Variants in ACOXL observed in about 807,000 individuals in gnomAD.
ACOXL encodes the protein acyl-CoA oxidase like.
In ACOXL, 70 loss-of-function variants were observed where a neutral mutation model predicts 71.9. The observed-to-expected ratio is 0.97, with a 90% CI of 0.80 to 1.19. The LOEUF is 1.19. Ranked by LOEUF, ACOXL falls within the 50% of genes most tolerant of loss-of-function variation. ACOXL has a pLI of 0.00. For missense variants in ACOXL, 703 were observed against 736.3 expected (o/e 0.95, Z 0.52); for synonymous variants, 253 against 281.6 (o/e 0.90, Z 1.02).
intron 10 of ACOXL, among the ~76,000 whole-genome samples, chr2:110,860,425 A>G (rs113543050): frequency 0.084 from 12,734 of 152,214 alleles, 712 homozygotes; most frequent in Middle Eastern, 0.15. Context: ...AGCCTTGAAT[A>G]GCCATTTTCT....
chr2:111,049,322 G>C (rs1280370419), intron 16 of ACOXL, 34 bp downstream of exon 16: 1 of 1,534,264 alleles, frequency 6.5e-7, no homozygotes, highest in South Asian at 1.1e-5. Flanking sequence ...ATTTCCTAAA[G>C]GCTCAGAGCG....
intron 12 of ACOXL, chr2:110,963,816 T>C (rs2061813786): frequency 6.7e-7 from 1 of 1,495,234 alleles, no homozygotes; most frequent in Non-Finnish European, 9.1e-7. Flanking sequence ...TGGCAGGTGC[T>C]TTCCTGTTAG....
chr2:110,958,453 G>A (rs2061583251), intron 12 of ACOXL, among the ~76,000 whole-genome samples: 1 of 152,210 alleles, frequency 6.6e-6, no homozygotes, highest in South Asian at 2.1e-4. Flanking sequence ...CACCACCATA[G>A]CTGGGAAGGA....
chr2:110,834,164 G>A (rs186958430), intron 9 of ACOXL, among the ~76,000 whole-genome samples: 1 of 152,070 alleles, frequency 6.6e-6, no homozygotes, highest in Non-Finnish European at 1.5e-5. Context: ...TCTTCTGGCT[G>A]ATTCTCCTCT....
chr2:110,764,331 T>TA (rs879441490), intron 1 of ACOXL, among the ~76,000 whole-genome samples: 14 of 150,850 alleles, frequency 9.3e-5, no homozygotes, highest in South Asian at 4.2e-4. Flanking sequence ...TATTTAGTGC[T>TA]AAAAAAAAAT....
chr2:111,118,218 G>T lies in ACOXL; in HGVS notation c.*402G>T. The T allele has an allele frequency of 9.6e-6, 2 of 208,650 alleles. No individual in the cohort carries two copies. The highest frequency in any genetic ancestry group is 2.2e-4 in the East Asian group (2 of 8,942). 12.9% of individuals were successfully genotyped at this position (208,650 alleles called of 1,614,324 possible). Reference sequence around the variant, plus strand: ...ATTTAGAAAAACTGTGGTGCCGAGTGAAAGAAAAAAAAAAAAGCAAACACC... The same window carrying T: ...ATTTAGAAAAACTGTGGTGCCGAGTTAAAGAAAAAAAAAAAAGCAAACACC... On this transcript the variant is annotated 3_prime_UTR_variant, in exon 18 of 18. Coordinates refer to ENST00000439055, the MANE Select transcript of ACOXL (RefSeq NM_001142807.4).
In ACOXL at chr2:111,118,059, C is replaced by A. The variant is rs2070477820; in HGVS notation, c.*243C>A. The A allele has an allele frequency of 8.5e-6, 5 of 585,552 alleles. No homozygotes were observed. Among genetic ancestry groups the A allele is most frequent in the East Asian group, 2.9e-5 (1 of 34,426 alleles). The allele number at this position is 585,552 out of a possible 1,614,324, so 36.3% of individuals were successfully genotyped here. On this transcript the variant is annotated 3_prime_UTR_variant, in exon 18 of 18. Coordinates refer to ENST00000439055, the MANE Select transcript of ACOXL (RefSeq NM_001142807.4). Reference sequence around the variant, plus strand: ...GCCCTTTCCCTGAAACCCAGCCTGGCCTGACTGCAACCTCTCCCAACTTCA... The same window carrying A: ...GCCCTTTCCCTGAAACCCAGCCTGGACTGACTGCAACCTCTCCCAACTTCA...
At chr2:110,924,223 T>C (rs2060186694) in intron 11 of ACOXL, among the ~76,000 whole-genome samples, 1 of 152,224 alleles carries the variant, frequency 6.6e-6, no homozygotes, top group Admixed American at 6.5e-5. Flanking sequence ...TTTTTGCTAG[T>C]GGAGGGTCTT....
chr2:110,995,793 G>GA (rs1270281749), intron 13 of ACOXL, 100 bp from the exon 14 acceptor site: 18 of 833,684 alleles, frequency 2.2e-5, no homozygotes, highest in Non-Finnish European at 3.4e-5. Flanking sequence ...TTTTTCTACA[G>GA]AAAAAAATAG....
rs576022338 is a variant in ACOXL at position 110,957,132 on chromosome 2, C to T, written c.1059+23490C>T. On this transcript the variant is annotated intron_variant, in intron 12 of 17. Coordinates refer to ENST00000439055, the MANE Select transcript of ACOXL (RefSeq NM_001142807.4). ...GAAAATCTTACTCACTTTTTTTTTT[C>T]GGATGAATCTGTTTTTTCTGCTACC... 2.7e-4 allele frequency among the ~76,000 whole-genome samples: 41 copies of T among 150,380 alleles called. No homozygotes were observed. In the South Asian group the frequency reaches 7.6e-3, roughly 28 times the overall value.
chr2:111,031,617 G>T lies in ACOXL; in HGVS notation c.1282-10G>T. 3.1e-6 allele frequency: 5 copies of T among 1,613,456 alleles called. No individual in the cohort carries two copies. The highest frequency in any genetic ancestry group is 1.7e-4 in the Middle Eastern group (1 of 6,060). ...CCTCAATGGTGATTTTTCTTCTGTCGATTGGACAGGTAAAGACCAAGAAGG... is the reference window on the plus strand; with the variant it reads ...CCTCAATGGTGATTTTTCTTCTGTCTATTGGACAGGTAAAGACCAAGAAGG... On this transcript the variant is annotated splice_polypyrimidine_tract_variant and intron_variant, in intron 14 of 17. Coordinates refer to ENST00000439055, the MANE Select transcript of ACOXL (RefSeq NM_001142807.4).
intron 6 of ACOXL, 129 bp from the exon 7 acceptor site, chr2:110,798,885 T>G: frequency 8.7e-7 from 1 of 1,149,548 alleles, no homozygotes; most frequent in South Asian, 1.3e-5. Context: ...TGACATTATA[T>G]GCTCTCATGC....
intron 10 of ACOXL, among the ~76,000 whole-genome samples, chr2:110,871,229 G>A (rs1695236263): frequency 6.6e-6 from 1 of 152,094 alleles, no homozygotes; most frequent in Non-Finnish European, 1.5e-5. Context: ...GCAACCCATG[G>A]GGATCTGGCT....
chr2:110,791,923 G>A (rs1199027375), intron 3 of ACOXL, among the ~76,000 whole-genome samples: 1 of 152,208 alleles, frequency 6.6e-6, no homozygotes, highest in Non-Finnish European at 1.5e-5. Context: ...AGGTCTGGGT[G>A]TGCAGGACCT....
chr2:110,861,850 C>A (rs1177634264), intron 10 of ACOXL, among the ~76,000 whole-genome samples: 1 of 152,182 alleles, frequency 6.6e-6, no homozygotes, highest in African/African-American at 2.4e-5. Flanking sequence ...CCTTGCCCAG[C>A]ATTGTTTTGC....
At chr2:110,976,924 C>A (rs1306065695) in intron 12 of ACOXL, among the ~76,000 whole-genome samples, 1 of 152,312 alleles carries the variant, frequency 6.6e-6, no homozygotes, top group South Asian at 2.1e-4. Flanking sequence ...TTGACCTTCA[C>A]ACTGGGAAGC....
intron 15 of ACOXL, among the ~76,000 whole-genome samples, chr2:111,042,725 G>A (rs571797105): frequency 2.6e-5 from 4 of 152,206 alleles, no homozygotes; most frequent in African/African-American, 9.7e-5. Context: ...GCAGTAGCTG[G>A]CCAAGGAAGG....
chr2:111,108,812 C>T (rs753133555), intron 17 of ACOXL, among the ~76,000 whole-genome samples: 1 of 152,208 alleles, frequency 6.6e-6, no homozygotes, highest in Non-Finnish European at 1.5e-5. Flanking sequence ...ATCAATTCCT[C>T]ACCCTGACCC....
chr2:110,923,968 G>A (rs2060177252), intron 11 of ACOXL, among the ~76,000 whole-genome samples: 1 of 151,774 alleles, frequency 6.6e-6, no homozygotes, highest in African/African-American at 2.4e-5. Context: ...GAGCATGAAT[G>A]TCAGTACAGA....
Sources: gnomAD v4.1 joint callset for allele counts (sites outside exome capture counted in the v4.1 genomes callset) on GRCh38, gnomAD v4.1.1 for gene constraint, MANE v1.5 for transcripts, NCBI Gene and HGNC (gene_info 2026-07-23, HGNC 2026-07-21) for gene names.